Variants in COL14A1 observed in about 807,000 individuals in gnomAD.
COL14A1 encodes the protein collagen alpha-1(XIV) chain.
A neutral mutation model predicts 230.3 loss-of-function variants in COL14A1; 136 were observed. The observed-to-expected ratio is 0.59, with a 90% CI of 0.51 to 0.68. The LOEUF (loss-of-function observed/expected upper bound fraction) is 0.68. Ranked by LOEUF, COL14A1 falls within the 30% of genes least tolerant of loss-of-function variation. The probability of loss-of-function intolerance (pLI) is 0.00; values close to 1 mark genes in which losing one functional copy is unlikely to be tolerated. For synonymous variants in COL14A1, 792 were observed against 784.1 expected (o/e 1.01, Z -0.17); for missense variants, 1,976 against 2,215.8 (o/e 0.89, Z 2.17).
chr8:120,326,199 A>G lies in COL14A1; in HGVS notation c.4660-5942A>G, dbSNP rs1403311969. Among the ~76,000 whole-genome samples the G allele has an allele frequency of 2.6e-5, 4 of 152,264 alleles. No homozygotes were observed. In the East Asian group the frequency reaches 7.7e-4, roughly 29 times the overall value. On this transcript the variant is annotated intron_variant, in intron 40 of 47. Coordinates refer to ENST00000297848, the MANE Select transcript of COL14A1 (RefSeq NM_021110.4). The stretch of plus-strand genomic sequence containing the variant: ...GTGAATAGGGAGACTCATGCCATGG[A>G]CCCAACCATTCTGATTACTTGACTT...
chr8:120,286,149 A>G (rs1820194195), intron 33 of COL14A1, among the ~76,000 whole-genome samples, 179 bp downstream of exon 33: 1 of 150,654 alleles, frequency 6.6e-6, no homozygotes, highest in Admixed American at 6.6e-5. Context: ...CTGAGAGAGG[A>G]CCCTGAAATG....
At chr8:120,251,235 G>A (rs1192380872) in intron 22 of COL14A1, among the ~76,000 whole-genome samples, 1 of 152,180 alleles carries the variant, frequency 6.6e-6, no homozygotes, top group Non-Finnish European at 1.5e-5. Context: ...GTTGGCAGGC[G>A]GGATGTCAGT....
chr8:120,357,139 G>A (rs540187373), intron 45 of COL14A1, among the ~76,000 whole-genome samples: 43 of 152,276 alleles, frequency 2.8e-4, no homozygotes, highest in Non-Finnish European at 5.6e-4. Flanking sequence ...GTCCATTTTT[G>A]TGGGTCAGGG....
intron 32 of COL14A1, among the ~76,000 whole-genome samples, chr8:120,283,999 G>GGAT (rs1164567114): frequency 2.0e-4 from 31 of 152,230 alleles, no homozygotes; most frequent in Admixed American, 1.5e-3. Context: ...ACTAAGCCTG[G>GGAT]GATGCAGTAG....
chr8:120,195,570 G>A (rs1359673514), intron 5 of COL14A1, among the ~76,000 whole-genome samples: 1 of 152,192 alleles, frequency 6.6e-6, no homozygotes, highest in Admixed American at 6.5e-5. Context: ...AAGGAAAGCG[G>A]TTTAATGGAC....
chr8:120,289,068 A>G (rs531382318), intron 33 of COL14A1, among the ~76,000 whole-genome samples: 1 of 152,254 alleles, frequency 6.6e-6, no homozygotes, highest in East Asian at 1.9e-4. Context: ...AAAATGTACC[A>G]TACACTAAGC....
rs577870671 is a variant in COL14A1 at position 120,192,945 on chromosome 8, G to T, written c.437-3846G>T. 8.3e-3 allele frequency among the ~76,000 whole-genome samples: 1,267 copies of T among 152,122 alleles called. 22 individuals carry two copies. The highest frequency in any genetic ancestry group is 0.029 in the African/African-American group (1,219 of 41,500). On this transcript the variant is annotated intron_variant, in intron 5 of 47. Coordinates refer to ENST00000297848, the MANE Select transcript of COL14A1 (RefSeq NM_021110.4). ...TATTGGTTATTCTAGTTATACATTCGTCTAAATTTTTTTCAAAGTTTTTAA... is the reference window on the plus strand; with the variant it reads ...TATTGGTTATTCTAGTTATACATTCTTCTAAATTTTTTTCAAAGTTTTTAA...
chr8:120,167,782 T>C (rs1815958050), intron 4 of COL14A1, among the ~76,000 whole-genome samples: 1 of 152,206 alleles, frequency 6.6e-6, no homozygotes, highest in Non-Finnish European at 1.5e-5. Context: ...GACTTGAAGA[T>C]CTGGCTTTAA....
intron 40 of COL14A1, among the ~76,000 whole-genome samples, chr8:120,319,469 C>G (rs530618610): frequency 3.3e-5 from 5 of 152,144 alleles, no homozygotes; most frequent in Non-Finnish European, 7.4e-5. Flanking sequence ...GCCACAACAC[C>G]TGGCCAAATC....
chr8:120,219,798 G>C (rs555792437), intron 14 of COL14A1, among the ~76,000 whole-genome samples: 2 of 152,208 alleles, frequency 1.3e-5, no homozygotes, highest in South Asian at 4.2e-4. Context: ...GGTTTTTTTG[G>C]TAGTGTTTTT....
At chr8:120,186,423 G>C (rs1816653084) in intron 5 of COL14A1, among the ~76,000 whole-genome samples, 1 of 152,218 alleles carries the variant, frequency 6.6e-6, no homozygotes, top group African/African-American at 2.4e-5. Context: ...ATGAATGGCT[G>C]AGGCTGATAT....
chr8:120,151,109 C>A (rs1164136642), intron 2 of COL14A1, among the ~76,000 whole-genome samples: 1 of 151,980 alleles, frequency 6.6e-6, no homozygotes, highest in African/African-American at 2.4e-5. Context: ...TGGGGGAAAC[C>A]TCAATAAGAA....
chr8:120,338,503 A>T (rs1206975695), intron 42 of COL14A1, among the ~76,000 whole-genome samples: 1 of 152,184 alleles, frequency 6.6e-6, no homozygotes, highest in Non-Finnish European at 1.5e-5. Flanking sequence ...GGAAAATAGG[A>T]ATAATATAGG....
At chr8:120,244,334 G>A (rs939285458) in intron 20 of COL14A1, among the ~76,000 whole-genome samples, 2 of 151,990 alleles carry the variant, frequency 1.3e-5, no homozygotes, top group Admixed American at 1.3e-4. Flanking sequence ...TCATCTAACA[G>A]GTGTGCTCTA....
At position 120,227,254 on chromosome 8, in the gene COL14A1, T is replaced by C. The variant is rs1163059497; in HGVS notation, c.2039T>C (p.Ile680Thr). ...VLKEEQDSHVIEGLEPGTEYE... is the reference protein window; with the variant it reads ...VLKEEQDSHVTEGLEPGTEYE... ...AAAGAAGAGCAGGACTCACATGTTATTGAAGGCCTGGAGCCCGGTACGGAG... is the reference window on the plus strand; with the variant it reads ...AAAGAAGAGCAGGACTCACATGTTACTGAAGGCCTGGAGCCCGGTACGGAG... The change falls in exon 17 of 48, where the codon ATT (isoleucine) becomes ACT (threonine). Residue 680 changes from isoleucine (I) to threonine (T), a missense_variant. Physicochemically the swap from Ile to Thr is moderately conservative, Grantham distance 89. Transcript: ENST00000297848. The C allele has an allele frequency of 1.2e-6, 2 of 1,613,956 alleles. No homozygotes were observed. Among genetic ancestry groups the C allele is most frequent in the South Asian group, 1.1e-5 (1 of 91,076 alleles).
At chr8:120,341,447 C>T (rs765192131) in intron 43 of COL14A1, 87 bp downstream of exon 43, 12 of 1,339,774 alleles carry the variant, frequency 9.0e-6, no homozygotes, top group Non-Finnish European at 1.3e-5. Context: ...TCATTTAATA[C>T]CATTAATATT....
intron 2 of COL14A1, among the ~76,000 whole-genome samples, chr8:120,149,131 T>C (rs1815189089): frequency 6.6e-6 from 1 of 152,228 alleles, no homozygotes; most frequent in African/African-American, 2.4e-5. Context: ...CTACAGAGAC[T>C]GAAGTGTTGG....
At chr8:120,203,346 A>G (rs1471685300) in intron 8 of COL14A1, among the ~76,000 whole-genome samples, 2 of 97,904 alleles carry the variant, frequency 2.0e-5, no homozygotes, top group Non-Finnish European at 3.8e-5. Flanking sequence ...AGCCTCTCAG[A>G]TGGGGGTGGG....
At chr8:120,341,676 C>T (rs1822303211) in intron 43 of COL14A1, among the ~76,000 whole-genome samples, 1 of 152,130 alleles carries the variant, frequency 6.6e-6, no homozygotes, top group Non-Finnish European at 1.5e-5. Flanking sequence ...TTGATGAGAA[C>T]GTTATATAAT....
Sources: gnomAD v4.1 joint callset for allele counts (sites outside exome capture counted in the v4.1 genomes callset) on GRCh38, gnomAD v4.1.1 for gene constraint, MANE v1.5 for transcripts, NCBI Gene and HGNC (gene_info 2026-07-23, HGNC 2026-07-21) for gene names.